The following PIK3C2G variants were observed in gnomAD, a reference collection of about 807,000 sequenced individuals.
PIK3C2G encodes phosphatidylinositol-4-phosphate 3-kinase catalytic subunit type 2 gamma.
PIK3C2G carries 168 observed loss-of-function variants against 181.1 expected under a neutral mutation model. That is an observed-to-expected ratio of 0.93 (90% CI 0.82 to 1.05). PIK3C2G has a LOEUF of 1.05. Among genes scored for constraint, PIK3C2G ranks in the 50% least tolerant of loss-of-function variants. The pLI, the probability that PIK3C2G is intolerant of heterozygous loss-of-function variation, is 0.00. For synonymous variants in PIK3C2G, 573 were observed against 592.2 expected (o/e 0.97, Z 0.47); for missense variants, 1,869 against 1,732.8 (o/e 1.08, Z -1.40).
chr12:18,368,624 G>A (rs558969750), intron 12 of PIK3C2G, among the ~76,000 whole-genome samples: 5 of 152,118 alleles, frequency 3.3e-5, no homozygotes, highest in East Asian at 1.9e-4. Context: ...ACTAGAATTC[G>A]TCTTTAATTC....
intron 31 of PIK3C2G, among the ~76,000 whole-genome samples, chr12:18,620,527 C>CAGAT (rs72448986): frequency 0.22 from 32,410 of 148,016 alleles, 3,583 homozygotes; most frequent in Admixed American, 0.28. Context: ...ATTAGACAGA[C>CAGAT]AGATAGATAG....
chr12:18,442,621 G>T (rs1000769303), intron 18 of PIK3C2G, among the ~76,000 whole-genome samples: 6 of 152,076 alleles, frequency 3.9e-5, no homozygotes, highest in Non-Finnish European at 8.8e-5. Flanking sequence ...GAGGCTAAAA[G>T]GAGAGAGGAG....
In PIK3C2G at chr12:18,454,020, C is replaced by G. The variant is rs114639530; in HGVS notation, c.2504+29981C>G. Among the ~76,000 whole-genome samples, 1,203 of 152,198 alleles carry G rather than the reference C, an allele frequency of 7.9e-3. 16 individuals carry two copies. The highest frequency in any genetic ancestry group is 0.028 in the African/African-American group (1,144 of 41,550). The stretch of plus-strand genomic sequence containing the variant: ...TGCCTTTGTACACCTATCTGATACA[C>G]GTCTTCTTTTCAAAACAGAGTTTTT... On this transcript the variant is annotated intron_variant, in intron 18 of 32. Coordinates refer to ENST00000538779, the MANE Select transcript of PIK3C2G (RefSeq NM_001288772.2).
chr12:18,536,354 A>C (rs1185693073), intron 24 of PIK3C2G, among the ~76,000 whole-genome samples: 1 of 152,140 alleles, frequency 6.6e-6, no homozygotes, highest in African/African-American at 2.4e-5. Context: ...AAGCACTTGC[A>C]CATGCTATGA....
chr12:18,671,664 T>G, the PIK3C2G span, among the ~76,000 whole-genome samples: 1 of 152,172 alleles, frequency 6.6e-6, no homozygotes, highest in Non-Finnish European at 1.5e-5. Context: ...AAAATTTCAT[T>G]ATTGCAGACA....
rs746840636 is a variant in PIK3C2G, at chr12:18,505,479, TATTACAG to T, written c.3323+19_3323+25del. 6.3e-7 allele frequency: 1 copy of T among 1,594,054 alleles called. No individual in the cohort carries two copies. Among genetic ancestry groups the T allele is most frequent in the Non-Finnish European group, 8.6e-7 (1 of 1,166,182 alleles). ...ATAAAAAGGTCAGTGCACAAATGTT[TATTACAG>T]TAATTAAGCAGTGTCCTAAGCAATA... On this transcript the variant is annotated intron_variant, in intron 24 of 32. Transcript: ENST00000538779.
At chr12:18,628,108 G>C (rs909035672) in intron 31 of PIK3C2G, among the ~76,000 whole-genome samples, 1 of 152,040 alleles carries the variant, frequency 6.6e-6, no homozygotes, top group Non-Finnish European at 1.5e-5. Context: ...ATAGGATCGT[G>C]ATTAGGAACA....
chr12:18,257,395 G>A (rs111331360), upstream of PIK3C2G, among the ~76,000 whole-genome samples: 340 of 152,226 alleles, frequency 2.2e-3, no homozygotes, highest in African/African-American at 7.9e-3. Context: ...CCACAGTTGT[G>A]GGCTCTAGGC....
At chr12:18,614,697 G>A (rs1948508944) in intron 31 of PIK3C2G, among the ~76,000 whole-genome samples, 1 of 152,060 alleles carries the variant, frequency 6.6e-6, no homozygotes, top group African/African-American at 2.4e-5. Context: ...ATTTTATCCA[G>A]TCTTGAAACT....
intron 18 of PIK3C2G, among the ~76,000 whole-genome samples, chr12:18,469,778 T>A (rs1238245891): frequency 5.5e-5 from 8 of 146,482 alleles, no homozygotes; most frequent in Admixed American, 6.9e-5. Context: ...AGTCTCTCTT[T>A]AAAAAAAAAA....
chr12:18,717,803 G>A, the PIK3C2G span, among the ~76,000 whole-genome samples: 1 of 152,010 alleles, frequency 6.6e-6, no homozygotes, highest in Non-Finnish European at 1.5e-5. Context: ...AAATTACATG[G>A]TCCCCAACAT....
chr12:18,580,131 CAA>C (rs34226663), intron 29 of PIK3C2G, among the ~76,000 whole-genome samples: 17 of 106,294 alleles, frequency 1.6e-4, no homozygotes, highest in Non-Finnish European at 1.5e-4. Flanking sequence ...GACTCTGTCT[CAA>C]AAAAAAAAAA....
intron 1 of PIK3C2G, among the ~76,000 whole-genome samples, chr12:18,249,912 T>C (rs1948078836): frequency 1.5e-5 from 2 of 136,248 alleles, no homozygotes; most frequent in Non-Finnish European, 3.1e-5. Flanking sequence ...AACTAATAAA[T>C]ACTAATAGTT....
At chr12:18,578,158 C>G (rs1208454854) in intron 29 of PIK3C2G, among the ~76,000 whole-genome samples, 1 of 152,136 alleles carries the variant, frequency 6.6e-6, no homozygotes, top group African/African-American at 2.4e-5. Context: ...AGATGCACGA[C>G]CAGGTCTGGG....
rs533531391 is a variant in PIK3C2G, at chr12:18,343,722, T to C, written c.1429+362T>C. On this transcript the variant is annotated intron_variant, in intron 10 of 32. Transcript: ENST00000538779. ...TAATTATATTTTGATGTAAGAAAAA[T>C]TAGAAAAGTAGTAGATGTCTGTCTG... Among the ~76,000 whole-genome samples, 9 of 152,156 alleles carry C rather than the reference T, an allele frequency of 5.9e-5. No individual in the cohort carries two copies. In the East Asian group the frequency reaches 1.7e-3, roughly 29 times the overall value.
At chr12:18,593,790 A>C (rs185038171) in intron 29 of PIK3C2G, among the ~76,000 whole-genome samples, 1 of 151,942 alleles carries the variant, frequency 6.6e-6, no homozygotes, top group Non-Finnish European at 1.5e-5. Flanking sequence ...ATCTCTGTAC[A>C]TAGTAAAATT....
chr12:18,420,430 A>T (rs190391057), intron 16 of PIK3C2G, among the ~76,000 whole-genome samples: 3 of 152,270 alleles, frequency 2.0e-5, no homozygotes, highest in Non-Finnish European at 4.4e-5. Context: ...TCTTTCAAGA[A>T]CTTCACAGTC....
At chr12:18,570,611 G>T (rs1945883911) in intron 29 of PIK3C2G, among the ~76,000 whole-genome samples, 1 of 150,262 alleles carries the variant, frequency 6.7e-6, no homozygotes, top group Non-Finnish European at 1.5e-5. Flanking sequence ...GCAGTATAGG[G>T]CATTATCCAA....
At chr12:18,573,771 G>A (rs10841041) in intron 29 of PIK3C2G, among the ~76,000 whole-genome samples, 12,783 of 152,094 alleles carry the variant, frequency 0.084, 697 homozygotes, top group Non-Finnish European at 0.12. Context: ...TTGCTTCTCC[G>A]TCTCTTTCTT....
Sources: allele counts gnomAD v4.1 joint callset (sites outside exome capture counted in the v4.1 genomes callset), GRCh38; gene constraint gnomAD v4.1.1; transcripts MANE v1.5; gene names NCBI Gene and HGNC (gene_info 2026-07-23, HGNC 2026-07-21).